The following ERICH3 variants were observed in gnomAD, a reference collection of about 807,000 sequenced individuals.
The protein encoded by ERICH3 is glutamate rich 3.
ERICH3 carries 126 observed loss-of-function variants against 131.1 expected under a neutral mutation model. The ratio of observed to expected loss-of-function variants is 0.96; its 90% CI spans 0.83 to 1.11. The LOEUF (loss-of-function observed/expected upper bound fraction) is 1.11, where lower values mean the gene tolerates loss of function less well. Ranked by LOEUF, ERICH3 falls within the 50% of genes most tolerant of loss-of-function variation. The pLI is 0.00. For synonymous variants in ERICH3, 695 were observed against 644.6 expected (o/e 1.08, Z -1.18); for missense variants, 2,050 against 1,810.7 (o/e 1.13, Z -2.40).
rs1005517884 is a variant in ERICH3 at position 74,589,432 on chromosome 1, A to AT, written c.2176+198dup. ...CAGGCTGGATAGAAATTATCGAGTA[A>AT]TTTTTTAAGTGCAAGAGAAGGCAAA... On this transcript the variant is annotated intron_variant, in intron 12 of 14. Coordinates refer to ENST00000326665, the MANE Select transcript of ERICH3 (RefSeq NM_001002912.5). The AT allele has an allele frequency of 1.8e-5, 11 of 609,138 alleles. No individual in the cohort carries two copies. The Admixed American group carries it at 2.9e-4, about 16-fold the overall frequency. 37.7% of individuals were successfully genotyped at this position (609,138 alleles called of 1,614,324 possible).
At chr1:74,570,640 C>T (rs1646926080) in intron 14 of ERICH3, among the ~76,000 whole-genome samples, 1 of 152,020 alleles carries the variant, frequency 6.6e-6, no homozygotes, top group South Asian at 2.1e-4. Context: ...AAAAACTTTG[C>T]GAAACTGCAG....
At chr1:74,596,566 T>C (rs768463441) in intron 11 of ERICH3, among the ~76,000 whole-genome samples, 1 of 152,088 alleles carries the variant, frequency 6.6e-6, no homozygotes, top group Non-Finnish European at 1.5e-5. Context: ...AGTAAAATAC[T>C]AGAACTTATT....
rs1166351159 is a variant in ERICH3, at chr1:74,631,805, T to G, written c.727A>C (p.Lys243Gln). The change falls in exon 7 of 15, where the codon AAA becomes CAA. Residue 243 changes from lysine (K) to glutamine (Q), a missense_variant. By Grantham distance (53) the Lys-to-Gln change is moderately conservative. Transcript: ENST00000326665. ...TCAGATCTATTTTCTCTTGTGATTT[T>G]CCCAGTTGGGGGAAGTGGAGGAGGA... ...PIPPPLPPTG[K>Q]ITRENRSETW... is the part of the protein sequence containing the mutation. 1 of 1,613,638 alleles carries G rather than the reference T, an allele frequency of 6.2e-7. No homozygotes were observed. The highest frequency in any genetic ancestry group is 8.5e-7 in the Non-Finnish European group (1 of 1,179,686).
chr1:74,623,083 A>C (rs1305348220), intron 7 of ERICH3: 1 of 152,198 alleles, frequency 6.6e-6, no homozygotes, highest in African/African-American at 2.4e-5. Context: ...AGACAAATGA[A>C]ACTTTAATAA....
intron 11 of ERICH3, among the ~76,000 whole-genome samples, chr1:74,590,402 A>C (rs1013354904): frequency 1.3e-5 from 2 of 152,198 alleles, no homozygotes; most frequent in African/African-American, 4.8e-5. Context: ...ACAACTGACA[A>C]TAATATAGAA....
chr1:74,609,878 G>C (rs1648601270), intron 9 of ERICH3, among the ~76,000 whole-genome samples: 1 of 151,978 alleles, frequency 6.6e-6, no homozygotes, highest in Non-Finnish European at 1.5e-5. Flanking sequence ...ACCAAGTGTT[G>C]AAATCATAGA....
chr1:74,585,114 A>G (rs1217053290), intron 12 of ERICH3, among the ~76,000 whole-genome samples: 1 of 152,224 alleles, frequency 6.6e-6, no homozygotes, highest in Non-Finnish European at 1.5e-5. Context: ...TTTCATTTAT[A>G]TTTATGATGT....
chr1:74,596,903 C>A (rs1179639746), intron 11 of ERICH3, among the ~76,000 whole-genome samples: 1 of 151,968 alleles, frequency 6.6e-6, no homozygotes. Flanking sequence ...CAAGGCAGGC[C>A]GACACAATTG....
intron 11 of ERICH3, among the ~76,000 whole-genome samples, chr1:74,591,514 G>A (rs917940339): frequency 6.6e-6 from 1 of 152,120 alleles, no homozygotes; most frequent in Non-Finnish European, 1.5e-5. Flanking sequence ...AGTAGTCCAG[G>A]GCAGTCCTCT....
chr1:74,616,444 T>G (rs1057282855), intron 8 of ERICH3, among the ~76,000 whole-genome samples: 13 of 152,162 alleles, frequency 8.5e-5, no homozygotes, highest in African/African-American at 2.4e-4. Context: ...CCTGGCTAAC[T>G]GGAAGTGGCA....
chr1:74,654,011 A>G (rs1296095259), intron 1 of ERICH3, among the ~76,000 whole-genome samples: 1 of 152,148 alleles, frequency 6.6e-6, no homozygotes, highest in Non-Finnish European at 1.5e-5. Context: ...TTCTTTGTCA[A>G]TTTATTATAA....
At chr1:74,623,018 T>C (rs1342866867) in intron 7 of ERICH3, 1 of 152,214 alleles carries the variant, frequency 6.6e-6, no homozygotes, top group Non-Finnish European at 1.5e-5. Flanking sequence ...AGTAGTTTCT[T>C]TCAATTGACT....
chr1:74,628,035 C>T (rs2100619463), intron 7 of ERICH3, among the ~76,000 whole-genome samples: 1 of 152,222 alleles, frequency 6.6e-6, no homozygotes, highest in Non-Finnish European at 1.5e-5. Flanking sequence ...ATAAAATTAA[C>T]TGTAGTACAT....
At chr1:74,617,937 G>C (rs768394175) in intron 8 of ERICH3, among the ~76,000 whole-genome samples, 2 of 152,168 alleles carry the variant, frequency 1.3e-5, no homozygotes, top group Non-Finnish European at 2.9e-5. Flanking sequence ...GCTAAAGCCT[G>C]TAATCCCAAT....
intron 4 of ERICH3, among the ~76,000 whole-genome samples, chr1:74,642,163 T>C (rs1429992790): frequency 1.3e-5 from 2 of 152,174 alleles, no homozygotes; most frequent in African/African-American, 4.8e-5. Flanking sequence ...ACACACCAAC[T>C]CTTTGATCTT....
chr1:74,606,097 G>A (rs1484803965), intron 10 of ERICH3, among the ~76,000 whole-genome samples: 2 of 150,712 alleles, frequency 1.3e-5, no homozygotes, highest in African/African-American at 4.9e-5. Context: ...AGGAAGGAGA[G>A]AACAGAGAAA....
intron 1 of ERICH3, among the ~76,000 whole-genome samples, chr1:74,654,038 A>G (rs992073517): frequency 1.3e-5 from 2 of 152,164 alleles, no homozygotes; most frequent in African/African-American, 4.8e-5. Flanking sequence ...CTTTTCTCCC[A>G]TTTCAAATAA....
intron 14 of ERICH3, 50 bp downstream of exon 14, chr1:74,571,049 C>T: frequency 6.5e-7 from 1 of 1,545,378 alleles, no homozygotes; most frequent in Non-Finnish European, 8.7e-7. Context: ...GGAGGAGACC[C>T]ACCGCAGGGC....
rs112160348 is a variant in ERICH3, at chr1:74,606,985, T to C, written c.1188-83A>G. The C allele has an allele frequency of 1.1e-5, 14 of 1,268,472 alleles. 1 individual carries two copies. The African/African-American group carries it at 1.6e-4, about 15-fold the overall frequency. 78.6% of individuals were successfully genotyped at this position (1,268,472 alleles called of 1,614,324 possible). A position where few individuals can be genotyped will look rare whatever the true frequency, so the allele number is the denominator to read the frequency against. On this transcript the variant is annotated intron_variant, in intron 9 of 14. Coordinates refer to ENST00000326665, the MANE Select transcript of ERICH3 (RefSeq NM_001002912.5). ...CTCAAAGCTTTTGAAAGCACTTATCTCTTATTCCAGTAAAAAAAGACACAA... is the reference window on the plus strand; with the variant it reads ...CTCAAAGCTTTTGAAAGCACTTATCCCTTATTCCAGTAAAAAAAGACACAA...
Sources: allele counts gnomAD v4.1 joint callset (sites outside exome capture counted in the v4.1 genomes callset), GRCh38; gene constraint gnomAD v4.1.1; transcripts MANE v1.5; gene names NCBI Gene and HGNC (gene_info 2026-07-23, HGNC 2026-07-21).